Variants in KANSL2 observed in about 807,000 individuals in gnomAD.
KANSL2 encodes NSL complex protein NSL2.
KANSL2 carries 34 observed loss-of-function variants against 55.6 expected under a neutral mutation model. The ratio of observed to expected loss-of-function variants is 0.61; its 90% CI spans 0.46 to 0.81. The LOEUF is 0.81. Ranked by LOEUF, KANSL2 falls within the 40% of genes least tolerant of loss-of-function variation. The pLI is 0.00. For synonymous variants in KANSL2, 209 were observed against 214.3 expected, an observed-to-expected ratio of 0.98 and a Z score of 0.22; for missense variants, 502 against 609.9, an observed-to-expected ratio of 0.82 and a Z score of 1.86.
intron 8 of KANSL2, among the ~76,000 whole-genome samples, chr12:48,656,971 C>T (rs146500037): frequency 3.3e-5 from 5 of 152,174 alleles, no homozygotes; most frequent in African/African-American, 4.8e-5. Context: ...CTTAGTTCTA[C>T]GCTTTTAAAT....
intron 7 of KANSL2, chr12:48,662,601 C>G: frequency 1.6e-6 from 2 of 1,287,790 alleles, no homozygotes; most frequent in Non-Finnish European, 2.0e-6. Flanking sequence ...AGTGCTGTCT[C>G]CATTAGACCA....
At chr12:48,659,661 C>T (rs1184786513) in intron 8 of KANSL2, among the ~76,000 whole-genome samples, 2 of 151,972 alleles carry the variant, frequency 1.3e-5, no homozygotes, top group African/African-American at 4.8e-5. Context: ...CTAAGCTGGG[C>T]GTGGTGGCTC....
At position 48,654,924 on chromosome 12, in the gene KANSL2, G is replaced by C. The variant is rs2137171963; in HGVS notation, c.1347+17C>G. 2 of 1,555,460 alleles carry C rather than the reference G, an allele frequency of 1.3e-6. No homozygotes were observed. Among genetic ancestry groups the C allele is most frequent in the Non-Finnish European group, 1.7e-6 (2 of 1,149,030 alleles). On this transcript the variant is annotated intron_variant, in intron 9 of 9. Transcript: ENST00000420613. ...GTCACTACATGAGGGAAACAGGTGG[G>C]ACTGTTCTTCACTTGCCAAAATATC...
chr12:48,681,889 C>T (rs1294723348), intron 1 of KANSL2: 5 of 703,898 alleles, frequency 7.1e-6, no homozygotes, highest in Non-Finnish European at 1.0e-5. Flanking sequence ...ACTCGCACAG[C>T]TGCAGCACGA....
chr12:48,660,973 T>C (rs1484960025), intron 7 of KANSL2, among the ~76,000 whole-genome samples: 1 of 152,106 alleles, frequency 6.6e-6, no homozygotes, highest in Admixed American at 6.6e-5. Context: ...CAAATGCAAA[T>C]AGCCTTGAAA....
chr12:48,656,855 TCTC>T, intron 8 of KANSL2: 1 of 425,898 alleles, frequency 2.3e-6, no homozygotes, highest in Non-Finnish European at 4.6e-6. Flanking sequence ...GGTGCTAAAT[TCTC>T]CTTCTTCCTA....
At chr12:48,674,027 A>T (rs531667997) in intron 4 of KANSL2, among the ~76,000 whole-genome samples, 27 of 152,332 alleles carry the variant, frequency 1.8e-4, no homozygotes, top group Non-Finnish European at 2.8e-4. Flanking sequence ...CCGTCTGATC[A>T]TTACATAAAT....
At chr12:48,669,604 G>GC (rs1395716114) in intron 5 of KANSL2, among the ~76,000 whole-genome samples, 2 of 151,136 alleles carry the variant, frequency 1.3e-5, no homozygotes, top group Admixed American at 6.6e-5. Flanking sequence ...TGCAAGCTCC[G>GC]CCCCCCAGGT....
chr12:48,669,340 A>G, intron 5 of KANSL2, 68 bp from the exon 6 acceptor site: 10 of 1,283,326 alleles, frequency 7.8e-6, no homozygotes, highest in Non-Finnish European at 1.1e-5. Context: ...CAAGTCAACA[A>G]GTAAACAGGA....
chr12:48,681,387 T>G lies in KANSL2; in HGVS notation c.246A>C (p.Lys82Asn). 6.2e-7 allele frequency: 1 copy of G among 1,612,452 alleles called. No individual in the cohort carries two copies. Among genetic ancestry groups the G allele is most frequent in the Non-Finnish European group, 8.5e-7 (1 of 1,179,084 alleles). ...ATATATCTATACATATATACCCATCTTTCTTCTCTGGCTTTGGGGCAGCAT... is the reference window on the plus strand; with the variant it reads ...ATATATCTATACATATATACCCATCGTTCTTCTCTGGCTTTGGGGCAGCAT... ...CPNAAPKPEK[K>N]DGVSFCAEHV... Residue 82 changes from lysine to asparagine, a missense_variant, in exon 2 of 10, where the codon AAA becomes AAC. By Grantham distance (94) the Lys-to-Asn change is moderately conservative. Transcript: ENST00000420613.
chr12:48,681,678 C>G (rs576752091), intron 1 of KANSL2, 37 bp from the exon 2 acceptor site: 1 of 1,613,314 alleles, frequency 6.2e-7, no homozygotes, highest in South Asian at 1.1e-5. Context: ...AGCCCTTACC[C>G]TTCCCGAAAA....
intron 7 of KANSL2, among the ~76,000 whole-genome samples, chr12:48,666,315 G>A (rs1939598185): frequency 6.6e-6 from 1 of 151,892 alleles, no homozygotes; most frequent in Non-Finnish European, 1.5e-5. Flanking sequence ...ATTTGGGGAG[G>A]AAAGGACTGG....
intron 1 of KANSL2, 115 bp downstream of exon 1, chr12:48,682,072 G>A: frequency 1.4e-6 from 1 of 703,042 alleles, no homozygotes; most frequent in South Asian, 1.5e-5. Context: ...AAGCCTGCAG[G>A]AAGGAGACTG....
chr12:48,674,276 G>A (rs1275434931), intron 4 of KANSL2, among the ~76,000 whole-genome samples: 1 of 152,132 alleles, frequency 6.6e-6, no homozygotes, highest in Admixed American at 6.5e-5. Flanking sequence ...CAGTAGTTGA[G>A]ATTGCAGGCG....
rs138106357 is a variant in KANSL2 at position 48,680,196 on chromosome 12, C to T, written c.252-363G>A. The T allele has an allele frequency of 2.1e-3, 368 of 176,930 alleles. 3 individuals carry two copies. The highest frequency in any genetic ancestry group is 7.6e-3 in the East Asian group (50 of 6,536). The allele number at this position is 176,930 out of a possible 1,614,324, so 11.0% of individuals were successfully genotyped here. A position where few individuals can be genotyped will look rare whatever the true frequency, so the allele number is the denominator to read the frequency against. On this transcript the variant is annotated intron_variant, in intron 2 of 9. Coordinates refer to ENST00000420613, the MANE Select transcript of KANSL2 (RefSeq NM_017822.4). Reference sequence around the variant, plus strand: ...TGCCTCAGCCTCAAAGTAGCTAGAACTATAGGCATGCACCACTGTGCCCAG... The same window carrying T: ...TGCCTCAGCCTCAAAGTAGCTAGAATTATAGGCATGCACCACTGTGCCCAG...
chr12:48,681,761 G>C (rs754866269), intron 1 of KANSL2, 120 bp from the exon 2 acceptor site: 108 of 1,266,794 alleles, frequency 8.5e-5, no homozygotes, highest in Non-Finnish European at 1.1e-4. Flanking sequence ...GGTACGCTCC[G>C]TAAGTCCCCG....
chr12:48,676,919 G>T (rs771555475), intron 4 of KANSL2, among the ~76,000 whole-genome samples: 6 of 152,102 alleles, frequency 3.9e-5, no homozygotes, highest in Non-Finnish European at 7.3e-5. Flanking sequence ...TTCAAAAAGT[G>T]ATCCTATTGA....
intron 8 of KANSL2, chr12:48,656,802 A>G (rs1168460921): frequency 2.1e-6 from 1 of 486,436 alleles, no homozygotes; most frequent in Non-Finnish European, 4.0e-6. Flanking sequence ...AAACTCAAAC[A>G]ATATATCAAA....
intron 2 of KANSL2, among the ~76,000 whole-genome samples, chr12:48,680,977 C>CG (rs896049341): frequency 2.6e-5 from 4 of 151,630 alleles, no homozygotes; most frequent in African/African-American, 9.7e-5. Flanking sequence ...GCGCCGCCCC[C>CG]CCGCCAAAAA....
Sources: allele counts gnomAD v4.1 joint callset (sites outside exome capture counted in the v4.1 genomes callset), GRCh38; gene constraint gnomAD v4.1.1; transcripts MANE v1.5; gene names NCBI Gene and HGNC (gene_info 2026-07-23, HGNC 2026-07-21).